The following NT5DC4 variants were observed in gnomAD, a reference collection of about 807,000 sequenced individuals.
NT5DC4 encodes 5'-nucleotidase domain-containing protein 4.
NT5DC4 carries 44 observed loss-of-function variants against 26.6 expected under a neutral mutation model. The ratio of observed to expected loss-of-function variants is 1.65; its 90% CI spans 1.30 to 2.13. The LOEUF (loss-of-function observed/expected upper bound fraction) is 2.13. Ranked by LOEUF, NT5DC4 falls within the 30% of genes most tolerant of loss-of-function variation. The pLI, the probability that NT5DC4 is intolerant of heterozygous loss-of-function variation, is 0.00. For synonymous variants in NT5DC4, 157 were observed against 86.7 expected, an observed-to-expected ratio of 1.81 and a Z score of -4.51; for missense variants, 399 against 228.1, an observed-to-expected ratio of 1.75 and a Z score of -4.83.
At chr2:112,730,888 C>G (rs1373640134) in intron 16 of NT5DC4, among the ~76,000 whole-genome samples, 1 of 152,116 alleles carries the variant, frequency 6.6e-6, no homozygotes, top group Admixed American at 6.5e-5. Flanking sequence ...CTATCCTAGC[C>G]CAGCAGAGAG....
chr2:112,726,361 G>C (rs1035457591), intron 14 of NT5DC4, 72 bp downstream of exon 14: 1 of 713,272 alleles, frequency 1.4e-6, no homozygotes, highest in Non-Finnish European at 2.6e-6. Context: ...TCACATCCCT[G>C]CCTGGCGGCG....
chr2:112,719,950 CTTTCTTTCTTTCT>C (rs1676714585), upstream of NT5DC4, among the ~76,000 whole-genome samples: 1 of 110,766 alleles, frequency 9.0e-6, no homozygotes, highest in Non-Finnish European at 1.8e-5. Flanking sequence ...TTCTTTCTTT[CTTTCTTTCTTTCT>C]TTCTTTCTTT....
upstream of NT5DC4, among the ~76,000 whole-genome samples, chr2:112,719,837 T>TCTTTC (rs1676656189): frequency 2.6e-5 from 2 of 77,194 alleles, no homozygotes; most frequent in Admixed American, 1.3e-4. Flanking sequence ...CTTCCTTCCT[T>TCTTTC]CCTTCCCTCC....
At chr2:112,734,743 G>A (rs898793410) in intron 16 of NT5DC4, among the ~76,000 whole-genome samples, 1 of 152,228 alleles carries the variant, frequency 6.6e-6, no homozygotes, top group African/African-American at 2.4e-5. Flanking sequence ...AGGCTGGAAT[G>A]CAGTGGTGTG....
chr2:112,719,971 TTTCTTTCTTTCTTTC>T (rs1676729178), upstream of NT5DC4, among the ~76,000 whole-genome samples: 1 of 121,062 alleles, frequency 8.3e-6, no homozygotes, highest in South Asian at 2.5e-4. Flanking sequence ...TCTTTCTTTC[TTTCTTTCTTTCTTTC>T]TTTTTCTTTT....
At position 112,725,421 on chromosome 2, in the gene NT5DC4, G is replaced by A. The variant is rs1387600058; in HGVS notation, c.1022G>A (p.Gly341Glu). 1.4e-6 allele frequency: 1 copy of A among 715,840 alleles called. No individual in the cohort carries two copies. The highest frequency in any genetic ancestry group is 2.7e-5 in the East Asian group (1 of 37,212). The allele number at this position is 715,840 out of a possible 1,614,324, so 44.3% of individuals were successfully genotyped here. A position where few individuals can be genotyped will look rare whatever the true frequency, so the allele number is the denominator to read the frequency against. The change falls in exon 13 of 17, where the codon GGG becomes GAG. Residue 341 changes from glycine to glutamate, a missense_variant. Coordinates refer to ENST00000688554, the MANE Select transcript of NT5DC4 (RefSeq NM_001393655.1). ...DMVCELLGVR[G>E]MDILYIGDHI... ...GTGTGCGAGCTGCTTGGGGTTCGGG[G>A]GATGGACATCCTGTACATTGGGGAC...
chr2:112,738,393 G>T, intron 16 of NT5DC4: 1 of 172,424 alleles, frequency 5.8e-6, no homozygotes, highest in Non-Finnish European at 1.2e-5. Context: ...CATCTGTCAA[G>T]GTCCATTCAG....
chr2:112,725,333 C>A, intron 12 of NT5DC4, 49 bp from the exon 13 acceptor site: 1 of 689,386 alleles, frequency 1.5e-6, no homozygotes. Flanking sequence ...GTCACCTACC[C>A]CAAGGCAGGA....
chr2:112,742,265 G>A (rs190185723), downstream of NT5DC4: 25 of 664,868 alleles, frequency 3.8e-5, no homozygotes, highest in Middle Eastern at 2.7e-4. Context: ...TCTTCTAAAG[G>A]TTATGACCAC....
chr2:112,725,344 A>G, intron 12 of NT5DC4, 38 bp from the exon 13 acceptor site: 1 of 689,432 alleles, frequency 1.5e-6, no homozygotes. Context: ...CAAGGCAGGA[A>G]GGGCAAACGA....
intron 16 of NT5DC4, among the ~76,000 whole-genome samples, chr2:112,730,500 C>CTT (rs1178026156): frequency 6.6e-6 from 1 of 152,080 alleles, no homozygotes; most frequent in Non-Finnish European, 1.5e-5. Context: ...CCCAGACAGG[C>CTT]TTTGTTAACA....
chr2:112,728,804 G>C (rs1678091701), intron 15 of NT5DC4, among the ~76,000 whole-genome samples: 1 of 152,142 alleles, frequency 6.6e-6, no homozygotes, highest in Admixed American at 6.6e-5. Context: ...TAAGTGACTT[G>C]CCATCACACA....
At chr2:112,740,905 C>T (rs1366620010), downstream of NT5DC4, 1 of 1,613,980 alleles carries the variant, frequency 6.2e-7, no homozygotes, top group Admixed American at 1.7e-5. Flanking sequence ...GACTTGTTCC[C>T]TCTCTTTTGG....
chr2:112,728,832 C>T (rs1678094283), intron 15 of NT5DC4, among the ~76,000 whole-genome samples: 1 of 152,182 alleles, frequency 6.6e-6, no homozygotes, highest in Non-Finnish European at 1.5e-5. Flanking sequence ...GACCACACAG[C>T]TGGGATGTGA....
At chr2:112,738,779 T>C (rs774189329) in intron 16 of NT5DC4, 134 bp from the exon 17 acceptor site, 4 of 1,296,446 alleles carry the variant, frequency 3.1e-6, no homozygotes, top group Non-Finnish European at 4.5e-6. Flanking sequence ...TTTCTTGTCT[T>C]ATGTTGGTTC....
At chr2:112,724,279 C>T (rs896797613) in intron 10 of NT5DC4, 153 bp downstream of exon 10, 24 of 664,732 alleles carry the variant, frequency 3.6e-5, no homozygotes, top group Non-Finnish European at 5.8e-5. Context: ...TGAGTGGAAG[C>T]TCCCCAGTGG....
chr2:112,729,892 A>G (rs917501665), intron 16 of NT5DC4, among the ~76,000 whole-genome samples, 188 bp downstream of exon 16: 6 of 152,156 alleles, frequency 3.9e-5, no homozygotes, highest in Admixed American at 3.9e-4. Context: ...TTTATTGTAA[A>G]ATGCTTTTCT....
downstream of NT5DC4, chr2:112,740,771 C>T: frequency 2.0e-6 from 3 of 1,471,906 alleles, no homozygotes; most frequent in East Asian, 2.3e-5. Context: ...GAGACTTGGA[C>T]TAGAATTAAG....
At chr2:112,724,161 G>A (rs1336682733) in intron 10 of NT5DC4, 35 bp downstream of exon 10, 1 of 716,970 alleles carries the variant, frequency 1.4e-6, no homozygotes, top group Non-Finnish European at 2.6e-6. Flanking sequence ...CGGCTGGGGT[G>A]GGCTGTGCAA....
Sources: allele counts gnomAD v4.1 joint callset (sites outside exome capture counted in the v4.1 genomes callset), GRCh38; gene constraint gnomAD v4.1.1; transcripts MANE v1.5; gene names NCBI Gene and HGNC (gene_info 2026-07-23, HGNC 2026-07-21).